FOXN1: variants seen among roughly 807,000 people sequenced by gnomAD.
FOXN1 encodes forkhead box N1.
A neutral mutation model predicts 49.0 loss-of-function variants in FOXN1; 15 were observed. The observed-to-expected ratio is 0.31, with a 90% CI of 0.20 to 0.47. The LOEUF (loss-of-function observed/expected upper bound fraction) is 0.47. Among genes scored for constraint, FOXN1 ranks in the 20% least tolerant of loss-of-function variants. FOXN1 has a pLI of 1.00. For missense variants in FOXN1, 800 were observed against 842.8 expected (o/e 0.95, Z 0.63); for synonymous variants, 356 against 369.0 (o/e 0.96, Z 0.40).
chr17:28,516,818 C>T (rs1327393377), intron 1 of FOXN1, among the ~76,000 whole-genome samples: 4 of 78,424 alleles, frequency 5.1e-5, no homozygotes, highest in African/African-American at 7.9e-5. Flanking sequence ...CACACCTCCA[C>T]AGGATACACA....
At position 28,537,444 on chromosome 17, in the gene FOXN1, C is replaced by A; in HGVS notation, c.*8C>A. On this transcript the variant is annotated 3_prime_UTR_variant, in exon 9 of 9. Coordinates refer to ENST00000579795, the MANE Select transcript of FOXN1 (RefSeq NM_001369369.1). The stretch of plus-strand genomic sequence containing the variant: ...CCCGTGGCCCTGGCATGAGCTGTGC[C>A]CAGCTTCGTCAGCTCCAGCGTTTGC... 1 of 1,608,222 alleles carries A rather than the reference C, an allele frequency of 6.2e-7. No homozygotes were observed. The highest frequency in any genetic ancestry group is 8.5e-7 in the Non-Finnish European group (1 of 1,175,318).
At chr17:28,512,234 T>C (rs1555607125) in intron 1 of FOXN1, among the ~76,000 whole-genome samples, 1 of 152,212 alleles carries the variant, frequency 6.6e-6, no homozygotes, top group Non-Finnish European at 1.5e-5. Context: ...CATCAGCCAT[T>C]CTTTGGCCCT....
Position 28,534,905 on chromosome 17 carries a change from G to A in FOXN1, c.1334G>A (p.Gly445Glu), listed in dbSNP as rs1454579597. 6.2e-7 allele frequency: 1 copy of A among 1,614,084 alleles called. No homozygotes were observed. The highest frequency in any genetic ancestry group is 8.5e-7 in the Non-Finnish European group (1 of 1,179,986). Residue 445 changes from glycine to glutamate, a missense_variant, in exon 8 of 9, where the codon GGG becomes GAG. By Grantham distance (98) the Gly-to-Glu change is moderately conservative. Transcript: ENST00000579795. The surrounding 1 kb of genome is among the most constrained non-coding windows in gnomAD (Gnocchi z 4.1). ...AACCCCCTGCAGGACCTACTTATGGGGCACACACCCTCCTGCTATGGGCAG... is the reference window on the plus strand; with the variant it reads ...AACCCCCTGCAGGACCTACTTATGGAGCACACACCCTCCTGCTATGGGCAG... ...GKNPLQDLLM[G>E]HTPSCYGQTY... is the part of the protein sequence containing the mutation.
chr17:28,529,952 C>T (rs59361667), intron 5 of FOXN1, among the ~76,000 whole-genome samples: 68,194 of 150,968 alleles, frequency 0.45, 16,864 homozygotes, highest in African/African-American at 0.66. Context: ...AGCTGTGGAA[C>T]TGACCAGCAT....
intron 1 of FOXN1, among the ~76,000 whole-genome samples, chr17:28,509,205 C>G (rs1338195057): frequency 6.6e-6 from 1 of 151,960 alleles, no homozygotes; most frequent in Non-Finnish European, 1.5e-5. Context: ...CCCTCCCTCC[C>G]TCTCTGTGCC....
chr17:28,510,580 GCACACACA>G lies in FOXN1; in HGVS notation c.-15+4164_-15+4171del, dbSNP rs5819850. Among the ~76,000 whole-genome samples the G allele has an allele frequency of 6.4e-3, 881 of 138,122 alleles. 6 individuals carry two copies. The highest frequency in any genetic ancestry group is 0.018 in the South Asian group (74 of 4,170). 90.6% of individuals were successfully genotyped at this position (138,122 alleles called of 152,430 possible). On this transcript the variant is annotated intron_variant, in intron 1 of 8. Transcript: ENST00000579795. Reference sequence around the variant, plus strand: ...GACACACACACACACGCACACACACGCACACACACACACACACACACACACACACACAC... The same window carrying G: ...GACACACACACACACGCACACACACGCACACACACACACACACACACACAC...
At chr17:28,507,181 G>A (rs910102638) in intron 1 of FOXN1, among the ~76,000 whole-genome samples, 1 of 152,192 alleles carries the variant, frequency 6.6e-6, no homozygotes, top group African/African-American at 2.4e-5. Context: ...TAGAGTTGGG[G>A]GCGTGGGAAG....
At chr17:28,524,466 C>G (rs374048351) in intron 2 of FOXN1, 37 bp from the exon 3 acceptor site, 3 of 1,573,954 alleles carry the variant, frequency 1.9e-6, no homozygotes, top group Non-Finnish European at 2.6e-6. Context: ...CCTGGTTCAG[C>G]CTCCACTCAC....
intron 8 of FOXN1, among the ~76,000 whole-genome samples, chr17:28,535,580 T>A (rs1007138239): frequency 2.6e-5 from 4 of 152,112 alleles, no homozygotes; most frequent in African/African-American, 9.7e-5. Context: ...AGAAACACTG[T>A]CTCTATTTAA....
chr17:28,530,582 C>T (rs780848630), intron 5 of FOXN1, among the ~76,000 whole-genome samples, 167 bp from the exon 6 acceptor site: 6 of 152,222 alleles, frequency 3.9e-5, no homozygotes, highest in Non-Finnish European at 5.9e-5. Context: ...ACAAGACCCT[C>T]GCACGTCTGT....
At chr17:28,530,088 A>G (rs1402231603) in intron 5 of FOXN1, among the ~76,000 whole-genome samples, 1 of 152,030 alleles carries the variant, frequency 6.6e-6, no homozygotes, top group African/African-American at 2.4e-5. Context: ...AATGTAGATG[A>G]CGGGTTGACG....
rs1402272823 is a variant in FOXN1, at chr17:28,527,370, G to A, written c.699+9G>A. 6.5e-7 allele frequency: 1 copy of A among 1,533,640 alleles called. No individual in the cohort carries two copies. The highest frequency in any genetic ancestry group is 9.0e-7 in the Non-Finnish European group (1 of 1,108,210). On this transcript the variant is annotated intron_variant, in intron 4 of 8. Transcript: ENST00000579795. ...AGCCCCCCTTCCACCAGGTGGGTCT[G>A]GGGCAAGTGGGCCTGCTTCCCCCAG...
chr17:28,534,639 G>T lies in FOXN1; in HGVS notation c.1136-68G>T. 6.2e-7 allele frequency: 1 copy of T among 1,609,162 alleles called. No homozygotes were observed. The stretch of plus-strand genomic sequence containing the variant: ...GAATGAGGCAAGGCCCCGAGTAAGG[G>T]TTCCAGTCTGGGGAAGACTGTGGAG... On this transcript the variant is annotated intron_variant, in intron 7 of 8. Coordinates refer to ENST00000579795, the MANE Select transcript of FOXN1 (RefSeq NM_001369369.1). The surrounding 1 kb of genome is among the most constrained non-coding windows in gnomAD (Gnocchi z 4.1).
At chr17:28,508,981 C>T (rs2151472539) in intron 1 of FOXN1, among the ~76,000 whole-genome samples, 1 of 147,688 alleles carries the variant, frequency 6.8e-6, no homozygotes, top group Non-Finnish European at 1.5e-5. Flanking sequence ...ACTATGTGAC[C>T]ACAGGAGGTG....
chr17:28,534,518 G>A lies in FOXN1; in HGVS notation c.1115G>A (p.Arg372His), dbSNP rs371817664. The change falls in exon 7 of 9, where the codon CGC becomes CAC. Residue 372 changes from arginine to histidine, a missense_variant. Physicochemically the swap from Arg to His is conservative, Grantham distance 29. This residue lies in a region of FOXN1 where 344 missense variants were observed against 366.1 expected (regional missense o/e 0.94). Transcript: ENST00000579795. This position sits in a 1 kb window ranked among gnomAD's most constrained non-coding sequence, Gnocchi z 4.1. ...KWKRKDPIAV[R>H]KSMAKPEELD... ...AAGAGGAAAGATCCCATTGCTGTGC[G>A]CAAAAGCATGGCCAAGCCAGGTGAG... The A allele has an allele frequency of 4.7e-5, 76 of 1,613,206 alleles. No individual in the cohort carries two copies. The highest frequency in any genetic ancestry group is 6.4e-5 in the Non-Finnish European group (75 of 1,179,968).
At chr17:28,536,596 G>A (rs565031816) in intron 8 of FOXN1, among the ~76,000 whole-genome samples, 2 of 152,294 alleles carry the variant, frequency 1.3e-5, no homozygotes, top group South Asian at 2.1e-4. Flanking sequence ...CCATGATGAG[G>A]GTCCACAGGT....
At chr17:28,528,490 C>G (rs1292696526) in intron 4 of FOXN1, among the ~76,000 whole-genome samples, 3 of 151,926 alleles carry the variant, frequency 2.0e-5, no homozygotes, top group Non-Finnish European at 4.4e-5. Context: ...GACTCAGGCA[C>G]TAAATGTCTC....
At chr17:28,530,098 G>A (rs1050092199) in intron 5 of FOXN1, among the ~76,000 whole-genome samples, 1 of 151,992 alleles carries the variant, frequency 6.6e-6, no homozygotes, top group Non-Finnish European at 1.5e-5. Context: ...ACGGGTTGAC[G>A]GGTGTAGCAA....
Position 28,537,250 on chromosome 17 carries a change from G to C in FOXN1, c.1761G>C (p.Leu587=). The change falls in exon 9 of 9, where the codon CTG becomes CTC. Residue 587 remains leucine, a synonymous_variant. Coordinates refer to ENST00000579795, the MANE Select transcript of FOXN1 (RefSeq NM_001369369.1). ...ACTGCTTCCCCCCTGGGCCCTGTCT[G>C]ACAGAGACAGGCAGTGGGGCAGGTG... ...PPHCFPPGPC[L]TETGSGAGDL... The C allele has an allele frequency of 6.2e-7, 1 of 1,613,988 alleles. No individual in the cohort carries two copies.
Sources: allele counts gnomAD v4.1 joint callset (sites outside exome capture counted in the v4.1 genomes callset), GRCh38; gene constraint gnomAD v4.1.1; regional missense constraint gnomAD v4.1.1; non-coding constraint Gnocchi (gnomAD v3.1); transcripts MANE v1.5; gene names NCBI Gene and HGNC (gene_info 2026-07-23, HGNC 2026-07-21).